Variants in LIPI observed in about 807,000 individuals in gnomAD.
LIPI encodes lipase I.
In LIPI, 59 loss-of-function variants were observed where a neutral mutation model predicts 50.6. The ratio of observed to expected loss-of-function variants is 1.16; its 90% CI spans 0.94 to 1.45. The LOEUF (loss-of-function observed/expected upper bound fraction) is 1.45. Ranked by LOEUF, LIPI falls within the 40% of genes most tolerant of loss-of-function variation. The pLI, the probability that LIPI is intolerant of heterozygous loss-of-function variation, is 0.00. For missense variants in LIPI, 586 were observed against 536.3 expected, an observed-to-expected ratio of 1.09 and a Z score of -0.92; for synonymous variants, 203 against 178.2, an observed-to-expected ratio of 1.14 and a Z score of -1.11.
intron 4 of LIPI, among the ~76,000 whole-genome samples, chr21:14,171,153 T>C (rs921613391): frequency 6.6e-6 from 1 of 150,566 alleles, no homozygotes; most frequent in Non-Finnish European, 1.5e-5. Flanking sequence ...GAATCCAACT[T>C]ACAAGGGATG....
chr21:14,130,642 T>A (rs2122994639), intron 9 of LIPI, among the ~76,000 whole-genome samples: 1 of 152,316 alleles, frequency 6.6e-6, no homozygotes, highest in African/African-American at 2.4e-5. Flanking sequence ...AGTTTAGTGA[T>A]ATGCTGTGCC....
chr21:14,206,951 G>T (rs1178345761), intron 1 of LIPI: 2 of 1,408,378 alleles, frequency 1.4e-6, no homozygotes, highest in Admixed American at 1.7e-5. Context: ...AAGTTCACTA[G>T]CTCTTTGTTT....
chr21:14,188,384 A>G (rs1392815424), intron 2 of LIPI, among the ~76,000 whole-genome samples: 4 of 152,008 alleles, frequency 2.6e-5, no homozygotes, highest in Non-Finnish European at 5.9e-5. Flanking sequence ...CCTGGCCAAC[A>G]TGGTGAAACC....
At chr21:14,173,580 C>T (rs963562684) in intron 4 of LIPI, among the ~76,000 whole-genome samples, 2 of 152,128 alleles carry the variant, frequency 1.3e-5, no homozygotes, top group African/African-American at 4.8e-5. Context: ...ATCTGGGGCA[C>T]AAAAGATTTC....
At chr21:14,152,308 GCCAGGATGGTCTCCATCT>G (rs1035143028) in intron 8 of LIPI, among the ~76,000 whole-genome samples, 11 of 151,934 alleles carry the variant, frequency 7.2e-5, no homozygotes, top group Non-Finnish European at 1.5e-4. Context: ...CACCATGTTA[GCCAGGATGGTCTCCATCT>G]CCTGATACGC....
chr21:14,149,258 A>C (rs1376200246), intron 8 of LIPI, among the ~76,000 whole-genome samples: 2 of 152,194 alleles, frequency 1.3e-5, no homozygotes, highest in African/African-American at 4.8e-5. Context: ...CAAATAGAGA[A>C]GCCCCATATA....
rs532317604 is a variant in LIPI, at chr21:14,152,715, C to T, written c.1007-31G>A. 146 of 1,134,698 alleles carry T rather than the reference C, an allele frequency of 1.3e-4. No homozygotes were observed. In the South Asian group the frequency reaches 1.7e-3, roughly 13 times the overall value. The allele number at this position is 1,134,698 out of a possible 1,614,324, so 70.3% of individuals were successfully genotyped here. A position where few individuals can be genotyped will look rare whatever the true frequency, so the allele number is the denominator to read the frequency against. ...AAATAAAAATATAGAATACAACTCA[C>T]ATTATTTTTTAATTTTTGGTTTTGG... is the stretch of plus-strand genomic sequence containing the variant. On this transcript the variant is annotated intron_variant, in intron 7 of 9. Transcript: ENST00000681601.
intron 4 of LIPI, among the ~76,000 whole-genome samples, chr21:14,172,097 C>T (rs979435056): frequency 1.1e-3 from 163 of 152,260 alleles, no homozygotes; most frequent in Non-Finnish European, 1.9e-3. Context: ...ACCTATGCAG[C>T]CAAAAAACAC....
At chr21:14,133,335 G>A (rs2017368319) in intron 9 of LIPI, among the ~76,000 whole-genome samples, 1 of 152,154 alleles carries the variant, frequency 6.6e-6, no homozygotes, top group Non-Finnish European at 1.5e-5. Flanking sequence ...AGTTCCACAT[G>A]TGCAAATTAA....
At chr21:14,165,457 CA>C in intron 5 of LIPI, 67 bp from the exon 6 acceptor site, 1 of 1,217,076 alleles carries the variant, frequency 8.2e-7, no homozygotes, top group Non-Finnish European at 1.2e-6. Flanking sequence ...CATTTAAAAA[CA>C]AAGTAAAGAT....
At chr21:14,161,861 T>C (rs1407817209) in intron 7 of LIPI, among the ~76,000 whole-genome samples, 1 of 121,028 alleles carries the variant, frequency 8.3e-6, no homozygotes, top group African/African-American at 3.0e-5. Flanking sequence ...TTATATATAA[T>C]TACATATAAT....
chr21:14,188,095 C>T (rs988560625), intron 2 of LIPI, among the ~76,000 whole-genome samples: 1 of 152,140 alleles, frequency 6.6e-6, no homozygotes, highest in Admixed American at 6.5e-5. Flanking sequence ...ACCCTTCTTT[C>T]TCTCAAGTAC....
In LIPI at chr21:14,144,690, G is replaced by T; in HGVS notation, c.1228C>A (p.Leu410Met). The T allele has an allele frequency of 6.3e-7, 1 of 1,583,038 alleles. No individual in the cohort carries two copies. Among genetic ancestry groups the T allele is most frequent in the African/African-American group, 1.3e-5 (1 of 74,288 alleles). Residue 410 changes from leucine to methionine, a missense_variant, in exon 9 of 10, where the codon CTG becomes ATG. Transcript: ENST00000681601. Reference sequence around the variant, plus strand: ...TTGTATGTGCATGTGGAACACTGCAGATTTGAGCTCTGGAAATATGTCAAA... The same window carrying T: ...TTGTATGTGCATGTGGAACACTGCATATTTGAGCTCTGGAAATATGTCAAA... Reference protein sequence around the residue: ...IGLTYFQSSNLQCSTCTYKIQ... With the variant: ...IGLTYFQSSNMQCSTCTYKIQ...
chr21:14,144,813 T>A lies in LIPI; in HGVS notation c.1119-14A>T, dbSNP rs1217528404. 6.6e-7 allele frequency: 1 copy of A among 1,511,102 alleles called. No homozygotes were observed. Among genetic ancestry groups the A allele is most frequent in the Admixed American group, 1.7e-5 (1 of 59,574 alleles). The allele number at this position is 1,511,102 out of a possible 1,614,324, so 93.6% of individuals were successfully genotyped here. A position where few individuals can be genotyped will look rare whatever the true frequency, so the allele number is the denominator to read the frequency against. On this transcript the variant is annotated splice_polypyrimidine_tract_variant and intron_variant, in intron 8 of 9. Coordinates refer to ENST00000681601, the MANE Select transcript of LIPI (RefSeq NM_001302998.2). ...GGTTTGTTCTTTCTAGAGAGAAAAT[T>A]TGATACACGCAGCATATTAATAATT... is the stretch of plus-strand genomic sequence containing the variant.
chr21:14,183,513 G>A (rs1416018775), intron 3 of LIPI, among the ~76,000 whole-genome samples: 3 of 152,188 alleles, frequency 2.0e-5, no homozygotes, highest in Admixed American at 6.5e-5. Flanking sequence ...CACAGCAAAA[G>A]AAACTACCAT....
chr21:14,167,661 G>C (rs1222137096), intron 4 of LIPI, among the ~76,000 whole-genome samples: 1 of 152,184 alleles, frequency 6.6e-6, no homozygotes, highest in Non-Finnish European at 1.5e-5. Context: ...GGTCCTGTCT[G>C]TTAGAAGGAA....
chr21:14,159,683 A>G (rs1001276036), intron 7 of LIPI, among the ~76,000 whole-genome samples: 2 of 151,382 alleles, frequency 1.3e-5, no homozygotes, highest in Non-Finnish European at 3.0e-5. Flanking sequence ...ACAGATTGTA[A>G]TAGAAGAAAT....
At chr21:14,153,837 T>C (rs1458778456) in intron 7 of LIPI, among the ~76,000 whole-genome samples, 1 of 152,180 alleles carries the variant, frequency 6.6e-6, no homozygotes, top group African/African-American at 2.4e-5. Flanking sequence ...ATTCTTCCTA[T>C]TTTTTCAGTC....
chr21:14,174,599 G>C (rs2019030816), intron 4 of LIPI, among the ~76,000 whole-genome samples: 1 of 151,872 alleles, frequency 6.6e-6, no homozygotes, highest in South Asian at 2.1e-4. Flanking sequence ...TGTCGCCCAG[G>C]CTGGAGTGCA....
Sources: allele counts gnomAD v4.1 joint callset (sites outside exome capture counted in the v4.1 genomes callset), GRCh38; gene constraint gnomAD v4.1.1; transcripts MANE v1.5; gene names NCBI Gene and HGNC (gene_info 2026-07-23, HGNC 2026-07-21).